Variants in PRKN observed in about 807,000 individuals in gnomAD.
PRKN encodes the protein parkin RBR E3 ubiquitin protein ligase, also known as E3 ubiquitin-protein ligase parkin.
A neutral mutation model predicts 59.5 loss-of-function variants in PRKN; 56 were observed. That is an observed-to-expected ratio of 0.94 (90% CI 0.76 to 1.18). The LOEUF (loss-of-function observed/expected upper bound fraction) is 1.18, where lower values mean the gene tolerates loss of function less well. PRKN is among the 50% of genes most tolerant of loss of function. PRKN has a pLI of 0.00. For missense variants in PRKN, 657 were observed against 596.4 expected, an observed-to-expected ratio of 1.10 and a Z score of -1.06; for synonymous variants, 250 against 222.1, an observed-to-expected ratio of 1.13 and a Z score of -1.12.
intron 7 of PRKN, among the ~76,000 whole-genome samples, chr6:161,623,663 G>A (rs999545246): frequency 6.6e-6 from 1 of 152,118 alleles, no homozygotes; most frequent in Non-Finnish European, 1.5e-5. Context: ...TTTTGGTTTT[G>A]TCATAACTAC....
At chr6:161,974,637 T>C (rs2128252324) in intron 5 of PRKN, among the ~76,000 whole-genome samples, 1 of 152,188 alleles carries the variant, frequency 6.6e-6, no homozygotes, top group South Asian at 2.1e-4. Flanking sequence ...CCTTCCATGA[T>C]ACTAACATCT....
chr6:162,051,807 C>A (rs1204415470), intron 5 of PRKN, among the ~76,000 whole-genome samples: 1 of 152,194 alleles, frequency 6.6e-6, no homozygotes, highest in Non-Finnish European at 1.5e-5. Context: ...CAAATCCAGA[C>A]TGTCCTGTGC....
At chr6:161,523,041 G>C (rs968074303) in intron 9 of PRKN, among the ~76,000 whole-genome samples, 1 of 151,990 alleles carries the variant, frequency 6.6e-6, no homozygotes, top group Non-Finnish European at 1.5e-5. Context: ...ACACTAGCCT[G>C]TATGCAAGAA....
At chr6:161,882,263 C>A (rs1794963823) in intron 6 of PRKN, among the ~76,000 whole-genome samples, 1 of 152,126 alleles carries the variant, frequency 6.6e-6, no homozygotes, top group Non-Finnish European at 1.5e-5. Flanking sequence ...ATTATGTTGT[C>A]ATTTTCCCAC....
chr6:162,041,479 T>C (rs906688033), intron 5 of PRKN, among the ~76,000 whole-genome samples: 2 of 152,178 alleles, frequency 1.3e-5, no homozygotes, highest in African/African-American at 4.8e-5. Flanking sequence ...TCCAAATGCC[T>C]CCAGGCCCCA....
chr6:161,675,934 T>C (rs1785069739), intron 7 of PRKN, among the ~76,000 whole-genome samples: 1 of 152,218 alleles, frequency 6.6e-6, no homozygotes, highest in South Asian at 2.1e-4. Context: ...TTTGCAGCAC[T>C]CAGGTGAGGC....
intron 2 of PRKN, among the ~76,000 whole-genome samples, chr6:162,380,176 G>A (rs1052332276): frequency 2.0e-5 from 3 of 151,888 alleles, no homozygotes. Flanking sequence ...ACTTTGGGTA[G>A]TAAATAGTGA....
chr6:161,464,101 G>A (rs750589943), intron 9 of PRKN, among the ~76,000 whole-genome samples: 10 of 152,204 alleles, frequency 6.6e-5, no homozygotes, highest in African/African-American at 1.4e-4. Context: ...CACAACATCC[G>A]CCTCCTGGGT....
rs189199683 is a variant in PRKN, at chr6:161,944,030, A to G, written c.734+29272T>C. On this transcript the variant is annotated intron_variant, in intron 6 of 11. Coordinates refer to ENST00000366898, the MANE Select transcript of PRKN (RefSeq NM_004562.3). ...AGCAGCCTGAGGGATCAGCCTGAGGAATCAGCCTGAGGGACCAGCCTGAGG... is the reference window on the plus strand; with the variant it reads ...AGCAGCCTGAGGGATCAGCCTGAGGGATCAGCCTGAGGGACCAGCCTGAGG... Among the ~76,000 whole-genome samples the G allele has an allele frequency of 4.5e-4, 61 of 136,596 alleles. 1 individual carries two copies. Among genetic ancestry groups the G allele is most frequent in the African/African-American group, 1.0e-3 (38 of 36,462 alleles). 89.6% of individuals were successfully genotyped at this position (136,596 alleles called of 152,430 possible). A position where few individuals can be genotyped will look rare whatever the true frequency, so the allele number is the denominator to read the frequency against.
intron 1 of PRKN, among the ~76,000 whole-genome samples, chr6:162,477,840 C>A (rs62428773): frequency 0.31 from 47,067 of 152,042 alleles, 7,561 homozygotes; most frequent in East Asian, 0.49. Flanking sequence ...TGTGGAAGGT[C>A]CATTCAAATT....
intron 5 of PRKN, among the ~76,000 whole-genome samples, chr6:161,988,073 C>T (rs1781500061): frequency 6.6e-6 from 1 of 152,210 alleles, no homozygotes; most frequent in South Asian, 2.1e-4. Flanking sequence ...GGGCAAAAGA[C>T]TCCTGTACAG....
chr6:162,317,690 A>G (rs942803095), intron 2 of PRKN, among the ~76,000 whole-genome samples: 1 of 151,974 alleles, frequency 6.6e-6, no homozygotes, highest in Non-Finnish European at 1.5e-5. Flanking sequence ...ATAGTGTCCT[A>G]TTTCAACTTT....
At chr6:162,432,149 T>C (rs539200311) in intron 2 of PRKN, among the ~76,000 whole-genome samples, 1 of 152,262 alleles carries the variant, frequency 6.6e-6, no homozygotes, top group South Asian at 2.1e-4. Context: ...ACAATGCCAT[T>C]GAGTTGAAGG....
At chr6:162,342,103 C>T (rs1406050589) in intron 2 of PRKN, among the ~76,000 whole-genome samples, 2 of 152,066 alleles carry the variant, frequency 1.3e-5, no homozygotes, top group African/African-American at 2.4e-5. Context: ...ATTGCTAAAT[C>T]CTCTTTGTGA....
At position 161,655,837 on chromosome 6, in the gene PRKN, ACT is replaced by A. The variant is rs1163313732; in HGVS notation, c.872-86423_872-86422del. Among the ~76,000 whole-genome samples, 16 of 149,444 alleles carry A rather than the reference ACT, an allele frequency of 1.1e-4. 1 individual carries two copies. The East Asian group carries it at 3.1e-3, about 29-fold the overall frequency. ...TGTTGATTATTGATTTCCAGTTCAA[ACT>A]CACCACACAGGCATATCAACACACA... On this transcript the variant is annotated intron_variant, in intron 7 of 11. Coordinates refer to ENST00000366898, the MANE Select transcript of PRKN (RefSeq NM_004562.3).
chr6:161,814,319 C>T (rs1414163348), intron 6 of PRKN, among the ~76,000 whole-genome samples: 1 of 152,174 alleles, frequency 6.6e-6, no homozygotes, highest in African/African-American at 2.4e-5. Context: ...TCTTGGAAGT[C>T]AAATGTGCTG....
intron 5 of PRKN, 49 bp downstream of exon 5, chr6:162,054,042 T>C (rs1777757262): frequency 1.7e-6 from 2 of 1,152,772 alleles, no homozygotes; most frequent in African/African-American, 1.5e-5. Context: ...ACAGTGAAGA[T>C]GTCATCATTT....
chr6:161,801,601 G>A (rs1054776397), intron 6 of PRKN, among the ~76,000 whole-genome samples: 2 of 152,174 alleles, frequency 1.3e-5, no homozygotes, highest in Non-Finnish European at 2.9e-5. Context: ...ACAACCTAGA[G>A]TCCACGACTT....
rs985228517 is a variant in PRKN, at chr6:161,357,328, C to G, written c.1285+2760G>C. Among the ~76,000 whole-genome samples, 1 of 152,018 alleles carries G rather than the reference C, an allele frequency of 6.6e-6. No individual in the cohort carries two copies. Among genetic ancestry groups the G allele is most frequent in the African/African-American group, 2.4e-5 (1 of 41,390 alleles). On this transcript the variant is annotated intron_variant, in intron 11 of 11. Transcript: ENST00000366898. This position sits in a 1 kb window ranked among gnomAD's most constrained non-coding sequence, Gnocchi z 5.5. ...TGGCCTCCCAAAGTGCTGGGATTACCGGTGTGAGCCACCACTCCCAGCCTC... is the reference window on the plus strand; with the variant it reads ...TGGCCTCCCAAAGTGCTGGGATTACGGGTGTGAGCCACCACTCCCAGCCTC...
Sources: allele counts gnomAD v4.1 joint callset (sites outside exome capture counted in the v4.1 genomes callset), GRCh38; gene constraint gnomAD v4.1.1; non-coding constraint Gnocchi (gnomAD v3.1); transcripts MANE v1.5; gene names NCBI Gene and HGNC (gene_info 2026-07-23, HGNC 2026-07-21).